TMOD1: variants seen among roughly 807,000 people sequenced by gnomAD.
The protein encoded by TMOD1 is tropomodulin 1, also known as tropomodulin-1.
In TMOD1, 17 loss-of-function variants were observed where a neutral mutation model predicts 40.6. The observed-to-expected ratio is 0.42, with a 90% confidence interval of 0.29 to 0.63. The LOEUF (loss-of-function observed/expected upper bound fraction) is 0.63, where lower values mean the gene tolerates loss of function less well. Among genes scored for constraint, TMOD1 ranks in the 20% least tolerant of loss-of-function variants. The pLI is 0.22. For synonymous variants in TMOD1, 181 were observed against 175.0 expected, an observed-to-expected ratio of 1.03 and a Z score of -0.27; for missense variants, 391 against 447.6, an observed-to-expected ratio of 0.87 and a Z score of 1.14.
chr9:97,598,689 G>C (rs185439484), intron 9 of TMOD1, among the ~76,000 whole-genome samples: 1 of 152,312 alleles, frequency 6.6e-6, no homozygotes, highest in African/African-American at 2.4e-5. Flanking sequence ...GGTCTGCTTT[G>C]TATGGCCAGT....
At chr9:97,589,725 T>A (rs952159298) in intron 8 of TMOD1, among the ~76,000 whole-genome samples, 1 of 152,174 alleles carries the variant, frequency 6.6e-6, no homozygotes. Context: ...AATTATCCTG[T>A]CTAGACCCCC....
chr9:97,512,388 T>G (rs2131210110), intron 1 of TMOD1, among the ~76,000 whole-genome samples: 1 of 152,304 alleles, frequency 6.6e-6, no homozygotes, highest in Non-Finnish European at 1.5e-5. Flanking sequence ...ATGCCCACTC[T>G]ATGACCTAGC....
intron 2 of TMOD1, among the ~76,000 whole-genome samples, chr9:97,531,037 A>C (rs7870006): frequency 0.71 from 62,962 of 88,332 alleles, 23,360 homozygotes; most frequent in East Asian, 0.77. Flanking sequence ...ATCCACACCC[A>C]CCCCCCCCAC....
At chr9:97,578,451 C>A (rs1825664283) in intron 8 of TMOD1, among the ~76,000 whole-genome samples, 1 of 152,208 alleles carries the variant, frequency 6.6e-6, no homozygotes, top group African/African-American at 2.4e-5. Context: ...GAGATGAACA[C>A]TCCTGGAAGA....
intron 8 of TMOD1, among the ~76,000 whole-genome samples, chr9:97,590,993 C>T (rs527906382): frequency 6.6e-6 from 1 of 152,302 alleles, no homozygotes; most frequent in African/African-American, 2.4e-5. Flanking sequence ...TGTCCTCCTT[C>T]AAATACTCTT....
chr9:97,568,593 G>T (rs1301571885), intron 7 of TMOD1, among the ~76,000 whole-genome samples: 1 of 152,232 alleles, frequency 6.6e-6, no homozygotes, highest in East Asian at 1.9e-4. Flanking sequence ...CACCGAGCAG[G>T]CATGGGGAGC....
chr9:97,547,194 G>A (rs1024243205), intron 3 of TMOD1, among the ~76,000 whole-genome samples: 2 of 152,038 alleles, frequency 1.3e-5, no homozygotes, highest in Admixed American at 6.6e-5. Flanking sequence ...ACTTCCCGTT[G>A]CTCTCCAAAC....
chr9:97,514,448 A>G lies in TMOD1; in HGVS notation c.-48-9693A>G, dbSNP rs769086758. Among the ~76,000 whole-genome samples, 9 of 152,176 alleles carry G rather than the reference A, an allele frequency of 5.9e-5. No individual in the cohort carries two copies. In the South Asian group the frequency reaches 1.9e-3, roughly 32 times the overall value. Reference sequence around the variant, plus strand: ...TCTTAATAATTTTATCTTTGAATTTATATTTTTAAGTGAAGTTTCAATGAA... The same window carrying G: ...TCTTAATAATTTTATCTTTGAATTTGTATTTTTAAGTGAAGTTTCAATGAA... On this transcript the variant is annotated intron_variant, in intron 1 of 9. Transcript: ENST00000259365.
intron 4 of TMOD1, chr9:97,555,362 G>T: frequency 8.1e-7 from 1 of 1,232,110 alleles, no homozygotes; most frequent in South Asian, 2.1e-5. Flanking sequence ...CTCCAATCAC[G>T]CTTCATGACG....
chr9:97,594,144 C>T (rs895751107), intron 9 of TMOD1, among the ~76,000 whole-genome samples: 1 of 152,086 alleles, frequency 6.6e-6, no homozygotes, highest in Non-Finnish European at 1.5e-5. Context: ...TAAAATTGGG[C>T]CTCTGGGTTA....
At chr9:97,514,750 T>C (rs762625525) in intron 1 of TMOD1, among the ~76,000 whole-genome samples, 33 of 152,330 alleles carry the variant, frequency 2.2e-4, no homozygotes, top group Non-Finnish European at 3.5e-4. Flanking sequence ...GCCCATGATA[T>C]TGCAGTCGCT....
chr9:97,564,871 A>G (rs368207022), intron 6 of TMOD1, among the ~76,000 whole-genome samples: 14 of 152,104 alleles, frequency 9.2e-5, no homozygotes, highest in African/African-American at 3.4e-4. Flanking sequence ...GGGTGGGGGT[A>G]AGACTAGAAG....
intron 8 of TMOD1, among the ~76,000 whole-genome samples, chr9:97,586,580 A>G (rs1364016378): frequency 4.4e-4 from 63 of 144,500 alleles, no homozygotes; most frequent in African/African-American, 6.7e-4. Flanking sequence ...AAGCCTGGGC[A>G]ATGGCGGGCG....
intron 1 of TMOD1, among the ~76,000 whole-genome samples, chr9:97,509,521 T>G (rs995270873): frequency 1.3e-4 from 19 of 149,858 alleles, no homozygotes; most frequent in African/African-American, 2.9e-4. Flanking sequence ...TGTTTTTTGT[T>G]TTTTTTTTAG....
At chr9:97,538,853 A>G (rs555409276) in intron 2 of TMOD1, among the ~76,000 whole-genome samples, 1 of 152,038 alleles carries the variant, frequency 6.6e-6, no homozygotes, top group Admixed American at 6.5e-5. Context: ...AAAAAAAAAA[A>G]AATTAGCCGG....
At chr9:97,515,205 A>AAAG (rs1472298332) in intron 1 of TMOD1, among the ~76,000 whole-genome samples, 5 of 151,466 alleles carry the variant, frequency 3.3e-5, no homozygotes, top group Admixed American at 3.3e-4. Context: ...AAAAATGAAA[A>AAAG]AAAAAAAAAC....
At chr9:97,564,688 A>G (rs1334913872) in intron 6 of TMOD1, among the ~76,000 whole-genome samples, 1 of 152,208 alleles carries the variant, frequency 6.6e-6, no homozygotes, top group East Asian at 1.9e-4. Flanking sequence ...CGATATCCCA[A>G]GCTGTCTGCC....
At chr9:97,514,188 A>G (rs1207806612) in intron 1 of TMOD1, among the ~76,000 whole-genome samples, 1 of 145,076 alleles carries the variant, frequency 6.9e-6, no homozygotes, top group African/African-American at 2.6e-5. Context: ...CAGCCTCCCG[A>G]GTAGCTTGGA....
At position 97,562,116 on chromosome 9, in the gene TMOD1, A is replaced by G. The variant is rs1830650686; in HGVS notation, c.398-616A>G. Among the ~76,000 whole-genome samples, 3 of 152,192 alleles carry G rather than the reference A, an allele frequency of 2.0e-5. No homozygotes were observed. The East Asian group carries it at 5.8e-4, about 29-fold the overall frequency. On this transcript the variant is annotated intron_variant, in intron 4 of 9. Transcript: ENST00000259365. ...GCCTCATTACATGTTGAACAAATGA[A>G]TGGATGAAAGAATGGCTGAGCACGG... is the stretch of plus-strand genomic sequence containing the variant.
Sources: allele counts gnomAD v4.1 joint callset (sites outside exome capture counted in the v4.1 genomes callset), GRCh38; gene constraint gnomAD v4.1.1; transcripts MANE v1.5; gene names NCBI Gene and HGNC (gene_info 2026-07-23, HGNC 2026-07-21).